ADGRB3: variants seen among roughly 807,000 people sequenced by gnomAD.
ADGRB3 encodes the protein brain-specific angiogenesis inhibitor 3.
Under a neutral mutation model 193.4 loss-of-function variants are expected in ADGRB3, and 37 were observed. That is an observed-to-expected ratio of 0.19 (90% CI 0.15 to 0.25). The LOEUF is 0.25. ADGRB3 is among the 10% of genes least tolerant of loss of function. The pLI is 1.00. For missense variants in ADGRB3, 1,637 were observed against 1,852.9 expected, an observed-to-expected ratio of 0.88 and a Z score of 2.14; for synonymous variants, 690 against 644.2, an observed-to-expected ratio of 1.07 and a Z score of -1.08.
intron 17 of ADGRB3, among the ~76,000 whole-genome samples, chr6:69,201,701 T>A (rs935499689): frequency 6.6e-6 from 1 of 152,268 alleles, no homozygotes; most frequent in East Asian, 1.9e-4. Flanking sequence ...CACATGGGTC[T>A]CAATGTTATT....
chr6:68,834,084 T>C (rs568318602), intron 3 of ADGRB3, among the ~76,000 whole-genome samples: 1 of 152,092 alleles, frequency 6.6e-6, no homozygotes, highest in Admixed American at 6.6e-5. Context: ...CCAACTTCTG[T>C]TTATAAATCA....
At chr6:69,386,077 C>A (rs1770063775) in intron 31 of ADGRB3, among the ~76,000 whole-genome samples, 1 of 151,934 alleles carries the variant, frequency 6.6e-6, no homozygotes, top group African/African-American at 2.4e-5. Context: ...GCTTGGGATG[C>A]TAAAGATTAG....
At chr6:69,167,693 T>A (rs1348961325) in intron 17 of ADGRB3, among the ~76,000 whole-genome samples, 1 of 152,134 alleles carries the variant, frequency 6.6e-6, no homozygotes, top group Non-Finnish European at 1.5e-5. Flanking sequence ...TGTGCTACAT[T>A]CCTGAAAAGA....
chr6:69,126,864 A>G (rs1196955512), intron 17 of ADGRB3, among the ~76,000 whole-genome samples: 3 of 152,174 alleles, frequency 2.0e-5, no homozygotes, highest in Non-Finnish European at 2.9e-5. Flanking sequence ...TATGATGACA[A>G]CAATAGAGTT....
rs146727338 is a variant in ADGRB3, at chr6:69,235,067, A to G, written c.2643A>G (p.Leu881=). Residue 881 remains leucine (L), a synonymous_variant, in exon 19 of 32, where the codon CTA becomes CTG. Transcript: ENST00000370598. ...CCTCTGGCACACCTTCAGTTACCCT[A>G]ATAGTAGGCAGTGGTCTTTCTTGCT... The part of the protein sequence containing the change: ...MESSGTPSVT[L]IVGSGLSCLA... 4.2e-3 allele frequency: 6,783 copies of G among 1,613,148 alleles called. 11 individuals are homozygous for G. The highest frequency in any genetic ancestry group is 5.2e-3 in the Non-Finnish European group (6,098 of 1,179,220).
chr6:69,194,561 G>A (rs888165427), intron 17 of ADGRB3, among the ~76,000 whole-genome samples: 6 of 152,176 alleles, frequency 3.9e-5, no homozygotes, highest in African/African-American at 1.2e-4. Context: ...GGGCTTGAAA[G>A]TGAGATGTAT....
intron 3 of ADGRB3, among the ~76,000 whole-genome samples, chr6:68,779,122 A>G (rs990893793): frequency 1.3e-5 from 2 of 151,928 alleles, no homozygotes; most frequent in African/African-American, 2.4e-5. Context: ...GTGTATACAC[A>G]CACACACTCA....
intron 17 of ADGRB3, among the ~76,000 whole-genome samples, chr6:69,113,345 A>G (rs1773430014): frequency 6.6e-6 from 1 of 151,926 alleles, no homozygotes; most frequent in Non-Finnish European, 1.5e-5. Context: ...ACACATATTT[A>G]TATGTGTATA....
At chr6:68,873,341 C>T (rs1469428568) in intron 3 of ADGRB3, among the ~76,000 whole-genome samples, 1 of 152,140 alleles carries the variant, frequency 6.6e-6, no homozygotes, top group African/African-American at 2.4e-5. Context: ...GGTTTGGCTA[C>T]TTCCTGTGAG....
intron 17 of ADGRB3, among the ~76,000 whole-genome samples, chr6:69,229,330 T>C (rs2127254895): frequency 6.6e-6 from 1 of 152,286 alleles, no homozygotes; most frequent in Non-Finnish European, 1.5e-5. Context: ...GCACCAAAAG[T>C]AATATAGATT....
At chr6:68,657,946 T>C (rs1244585815) in intron 3 of ADGRB3, among the ~76,000 whole-genome samples, 3 of 151,356 alleles carry the variant, frequency 2.0e-5, no homozygotes, top group African/African-American at 7.3e-5. Flanking sequence ...TAGTAATCCG[T>C]TAATGGAAAT....
chr6:68,727,016 C>T (rs944466700), intron 3 of ADGRB3, among the ~76,000 whole-genome samples: 1 of 151,450 alleles, frequency 6.6e-6, no homozygotes, highest in African/African-American at 2.4e-5. Context: ...AATTTAATAC[C>T]TTTAATCAGA....
chr6:68,860,985 T>C (rs1765136919), intron 3 of ADGRB3, among the ~76,000 whole-genome samples: 2 of 152,170 alleles, frequency 1.3e-5, no homozygotes, highest in South Asian at 4.1e-4. Flanking sequence ...TTGACACACA[T>C]TTCAGACTCA....
intron 8 of ADGRB3, among the ~76,000 whole-genome samples, chr6:68,959,434 G>A (rs1284632438): frequency 6.6e-6 from 1 of 151,936 alleles, no homozygotes; most frequent in Non-Finnish European, 1.5e-5. Flanking sequence ...TCTTCAAGTT[G>A]CTGAAAACAA....
At chr6:69,232,556 G>A (rs1766166544) in intron 17 of ADGRB3, 3 of 1,535,584 alleles carry the variant, frequency 2.0e-6, no homozygotes, top group African/African-American at 1.4e-5. Flanking sequence ...GGGCAAAGAA[G>A]CAGTTGAGGG....
At chr6:68,793,827 C>G (rs146618883) in intron 3 of ADGRB3, among the ~76,000 whole-genome samples, 65 of 152,176 alleles carry the variant, frequency 4.3e-4, no homozygotes, top group African/African-American at 1.5e-3. Context: ...CCACGCCCAG[C>G]GTATATTTAA....
At chr6:68,879,964 C>T (rs189825383) in intron 3 of ADGRB3, among the ~76,000 whole-genome samples, 5 of 152,288 alleles carry the variant, frequency 3.3e-5, no homozygotes, top group Non-Finnish European at 4.4e-5. Flanking sequence ...AGACCAATTG[C>T]ATCAAAATGT....
At chr6:68,929,564 A>G (rs1582323254) in intron 3 of ADGRB3, among the ~76,000 whole-genome samples, 2 of 152,154 alleles carry the variant, frequency 1.3e-5, no homozygotes, top group Admixed American at 6.6e-5. Flanking sequence ...TTAAGGGCCT[A>G]GTAGTTTTCT....
chr6:69,255,576 A>G (rs377379031), intron 20 of ADGRB3, among the ~76,000 whole-genome samples: 34 of 152,088 alleles, frequency 2.2e-4, no homozygotes, highest in African/African-American at 7.5e-4. Flanking sequence ...AAATTTGTTT[A>G]AGTTCTTTGT....
Sources: gnomAD v4.1 joint callset for allele counts (sites outside exome capture counted in the v4.1 genomes callset) on GRCh38, gnomAD v4.1.1 for gene constraint, MANE v1.5 for transcripts, NCBI Gene and HGNC (gene_info 2026-07-23, HGNC 2026-07-21) for gene names.